HOPX: variants seen among roughly 807,000 people sequenced by gnomAD.
The protein encoded by HOPX is HOP homeobox, also known as homeodomain-only protein.
Under a neutral mutation model 11.8 loss-of-function variants are expected in HOPX, and 5 were observed. The ratio of observed to expected loss-of-function variants is 0.43; its 90% CI spans 0.22 to 0.89. HOPX has a LOEUF of 0.89. Ranked by LOEUF, HOPX falls within the 40% of genes least tolerant of loss-of-function variation. The probability of loss-of-function intolerance (pLI) is 0.28; values close to 1 mark genes in which losing one functional copy is unlikely to be tolerated. For synonymous variants in HOPX, 49 were observed against 49.7 expected, an observed-to-expected ratio of 0.99 and a Z score of 0.06; for missense variants, 119 against 120.0, an observed-to-expected ratio of 0.99 and a Z score of 0.04.
At chr4:56,656,248 G>A in intron 2 of HOPX, 1 of 1,159,792 alleles carries the variant, frequency 8.6e-7, no homozygotes, top group Non-Finnish European at 1.1e-6. Flanking sequence ...AGAGCCTAGC[G>A]TCCTGCGCCT....
At chr4:56,650,397 A>G (rs924345720) in intron 3 of HOPX, 15 of 337,502 alleles carry the variant, frequency 4.4e-5, no homozygotes, top group Admixed American at 1.3e-4. Context: ...CTTGATGCCT[A>G]TACAGATACT....
chr4:56,655,827 G>A (rs775123719), intron 3 of HOPX, 30 bp downstream of exon 3: 4 of 1,602,872 alleles, frequency 2.5e-6, no homozygotes, highest in South Asian at 1.1e-5. Context: ...GGCAGGGGTC[G>A]GGGCGCGCTG....
At chr4:56,669,660 AAATAATAATAATAATAATAATAAT>A (rs148353976) in intron 1 of HOPX, among the ~76,000 whole-genome samples, 1 of 146,478 alleles carries the variant, frequency 6.8e-6, no homozygotes, top group Admixed American at 6.9e-5. Flanking sequence ...CTCTGTCTCA[AAATAATAATAATAATAATAATAAT>A]AATAATAATA....
rs556462146 is a variant in HOPX, at chr4:56,668,010, C to T, written c.-83-10111G>A. ...TGCGATCTCGGCTCACTGCAACCTC[C>T]GCCTCCCAGTTTCAAGTGATTCTTG... is the stretch of plus-strand genomic sequence containing the variant. On this transcript the variant is annotated intron_variant, in intron 1 of 3. Coordinates refer to ENST00000420433, the MANE Select transcript of HOPX (RefSeq NM_032495.6). Among the ~76,000 whole-genome samples the T allele has an allele frequency of 4.6e-5, 7 of 152,218 alleles. No individual in the cohort carries two copies. The South Asian group carries it at 1.5e-3, about 32-fold the overall frequency.
upstream of HOPX, chr4:56,681,603 A>G: frequency 1.0e-6 from 1 of 1,000,068 alleles, no homozygotes; most frequent in Non-Finnish European, 1.2e-6. Context: ...TGGCTGAGAG[A>G]AGACGGGGAA....
chr4:56,673,153 C>T (rs1355446143), intron 1 of HOPX, among the ~76,000 whole-genome samples: 2 of 152,088 alleles, frequency 1.3e-5, no homozygotes, highest in Non-Finnish European at 2.9e-5. Context: ...AGAAAGATGT[C>T]CATTACTGCA....
At position 56,654,327 on chromosome 4, in the gene HOPX, G is replaced by T. The variant is rs1227050462; in HGVS notation, c.198+1530C>A. 2.0e-5 allele frequency among the ~76,000 whole-genome samples: 3 copies of T among 152,234 alleles called. No individual in the cohort carries two copies. In the South Asian group the frequency reaches 6.2e-4, roughly 31 times the overall value. ...AATTATGCTGCTTTATAGGTAAGAT[G>T]ACTGATGGCAACTCGCCAGGCACAA... On this transcript the variant is annotated intron_variant, in intron 3 of 3. Transcript: ENST00000420433.
chr4:56,671,059 C>T (rs1384283596), intron 1 of HOPX, among the ~76,000 whole-genome samples: 3 of 152,016 alleles, frequency 2.0e-5, no homozygotes, highest in Admixed American at 6.6e-5. Flanking sequence ...GCTCTGTAGA[C>T]ATCCAATCAC....
rs1717067737 is a variant in HOPX at position 56,650,600 on chromosome 4, G to A, written c.199-1803C>T. ...CAATGCTAAGCAGGCTGAATAGCAT[G>A]GGAACACACCTACACCTCACCCACC... is the stretch of plus-strand genomic sequence containing the variant. On this transcript the variant is annotated intron_variant, in intron 3 of 3. Coordinates refer to ENST00000420433, the MANE Select transcript of HOPX (RefSeq NM_032495.6). 5.6e-6 allele frequency: 8 copies of A among 1,429,950 alleles called. 1 individual carries two copies. In the South Asian group the frequency reaches 1.0e-4, roughly 18 times the overall value. 88.6% of individuals were successfully genotyped at this position (1,429,950 alleles called of 1,614,324 possible).
At chr4:56,659,727 G>C (rs568732748) in intron 1 of HOPX, among the ~76,000 whole-genome samples, 2 of 152,226 alleles carry the variant, frequency 1.3e-5, no homozygotes, top group South Asian at 2.1e-4. Context: ...GACACAAAAA[G>C]TATTTCAGCT....
chr4:56,669,640 T>C (rs943211838), intron 1 of HOPX, among the ~76,000 whole-genome samples: 7 of 150,438 alleles, frequency 4.7e-5, no homozygotes, highest in Non-Finnish European at 7.4e-5. Context: ...ACCCGGGTGA[T>C]AGAGCAGGAC....
intron 3 of HOPX, chr4:56,650,676 T>A: frequency 6.4e-7 from 1 of 1,551,634 alleles, no homozygotes; most frequent in Non-Finnish European, 8.7e-7. Flanking sequence ...GTCAAGATCT[T>A]ACATACCTTT....
rs112370688 is a variant in HOPX, at chr4:56,668,881, G to T, written c.-83-10982C>A. Among the ~76,000 whole-genome samples, 176 of 152,240 alleles carry T rather than the reference G, an allele frequency of 1.2e-3. 1 individual carries two copies. The highest frequency in any genetic ancestry group is 4.0e-3 in the African/African-American group (168 of 41,548). On this transcript the variant is annotated intron_variant, in intron 1 of 3. Transcript: ENST00000420433. ...TCCACTTCATACTCACATATCCTTG[G>T]CTGCTTTATTTAACTTATTTAAAAC...
chr4:56,675,829 G>A (rs1401251714), intron 1 of HOPX, among the ~76,000 whole-genome samples: 1 of 151,614 alleles, frequency 6.6e-6, no homozygotes, highest in Non-Finnish European at 1.5e-5. Context: ...GAGTGGGCAG[G>A]ATGGGTATGG....
At chr4:56,672,205 G>A (rs192587111) in intron 1 of HOPX, among the ~76,000 whole-genome samples, 6 of 152,076 alleles carry the variant, frequency 3.9e-5, no homozygotes, top group Non-Finnish European at 8.8e-5. Flanking sequence ...CCAATATCGA[G>A]AAATAAAATG....
chr4:56,672,133 C>T (rs1463457270), intron 1 of HOPX, among the ~76,000 whole-genome samples: 1 of 152,116 alleles, frequency 6.6e-6, no homozygotes, highest in Admixed American at 6.5e-5. Context: ...AAACTTCACT[C>T]AACCTCATGA....
intron 1 of HOPX, among the ~76,000 whole-genome samples, chr4:56,661,559 A>C (rs12508210): frequency 0.24 from 36,610 of 152,092 alleles, 4,499 homozygotes; most frequent in Middle Eastern, 0.39. Flanking sequence ...ACAAAACTAC[A>C]CCCCTTACCA....
chr4:56,659,607 A>G (rs1717984737), intron 1 of HOPX: 1 of 152,200 alleles, frequency 6.6e-6, no homozygotes. Flanking sequence ...TGGTATCCTT[A>G]AGCTAACAGC....
chr4:56,669,693 T>C (rs1450679696), intron 1 of HOPX, among the ~76,000 whole-genome samples: 3 of 108,858 alleles, frequency 2.8e-5, no homozygotes, highest in Middle Eastern at 4.6e-3. Context: ...ATAATAATAA[T>C]AATAATAATA....
Sources: gnomAD v4.1 joint callset for allele counts (sites outside exome capture counted in the v4.1 genomes callset) on GRCh38, gnomAD v4.1.1 for gene constraint, MANE v1.5 for transcripts, NCBI Gene and HGNC (gene_info 2026-07-23, HGNC 2026-07-21) for gene names.